The following PTPRT variants were observed in gnomAD, a reference collection of about 807,000 sequenced individuals.
PTPRT encodes the protein protein tyrosine phosphatase receptor type T.
In PTPRT, 56 loss-of-function variants were observed where a neutral mutation model predicts 176.8. The observed-to-expected ratio is 0.32, with a 90% CI of 0.26 to 0.40. PTPRT has a LOEUF of 0.40. Among genes scored for constraint, PTPRT ranks in the 10% least tolerant of loss-of-function variants. PTPRT has a pLI of 1.00. For missense variants in PTPRT, 1,540 were observed against 1,908.2 expected (o/e 0.81, Z 3.60); for synonymous variants, 783 against 739.0 (o/e 1.06, Z -0.96).
chr20:43,097,467 G>T (rs2012217662), intron 1 of PTPRT, among the ~76,000 whole-genome samples: 1 of 152,180 alleles, frequency 6.6e-6, no homozygotes, highest in Non-Finnish European at 1.5e-5. Context: ...CTAACACAAG[G>T]CACTCATTCT....
At chr20:42,350,370 A>C (rs1270183912) in intron 11 of PTPRT, among the ~76,000 whole-genome samples, 1 of 151,808 alleles carries the variant, frequency 6.6e-6, no homozygotes, top group Non-Finnish European at 1.5e-5. Context: ...CCGGTACTAC[A>C]GGCGTGTGCT....
At chr20:42,147,715 G>A (rs562643170) in intron 17 of PTPRT, among the ~76,000 whole-genome samples, 1 of 152,280 alleles carries the variant, frequency 6.6e-6, no homozygotes, top group Non-Finnish European at 1.5e-5. Context: ...GTGGCAGTTC[G>A]TGGGAAACCA....
At chr20:42,840,365 T>C (rs1384246990) in intron 2 of PTPRT, among the ~76,000 whole-genome samples, 4 of 152,276 alleles carry the variant, frequency 2.6e-5, no homozygotes, top group East Asian at 1.9e-4. Context: ...ATCTGAGGTA[T>C]TGGTATTTAA....
chr20:42,736,300 G>A (rs1249755886), intron 6 of PTPRT, among the ~76,000 whole-genome samples: 1 of 152,166 alleles, frequency 6.6e-6, no homozygotes, highest in Non-Finnish European at 1.5e-5. Flanking sequence ...AGGCTCTGAG[G>A]CTAACTAGAA....
intron 17 of PTPRT, among the ~76,000 whole-genome samples, chr20:42,144,806 A>T (rs1200117787): frequency 1.3e-5 from 2 of 152,160 alleles, no homozygotes; most frequent in East Asian, 3.8e-4. Flanking sequence ...AGGAGAACCC[A>T]CCATTCATTT....
chr20:43,021,417 T>A (rs1457131557), intron 1 of PTPRT, among the ~76,000 whole-genome samples: 3 of 152,102 alleles, frequency 2.0e-5, no homozygotes, highest in African/African-American at 7.2e-5. Flanking sequence ...ACCTGATAAT[T>A]TTTGCCCAGA....
intron 7 of PTPRT, among the ~76,000 whole-genome samples, chr20:42,511,009 G>A (rs2071945113): frequency 6.6e-6 from 1 of 151,992 alleles, no homozygotes; most frequent in East Asian, 1.9e-4. Flanking sequence ...ATGGATTGAT[G>A]GATTAAGGGG....
intron 7 of PTPRT, among the ~76,000 whole-genome samples, chr20:42,624,359 G>A (rs909862): frequency 0.21 from 31,938 of 152,100 alleles, 4,575 homozygotes; most frequent in African/African-American, 0.41. Flanking sequence ...ACACTCAGCT[G>A]TTATTCATCC....
intron 9 of PTPRT, among the ~76,000 whole-genome samples, chr20:42,400,656 G>A (rs1337794531): frequency 6.6e-6 from 1 of 152,102 alleles, no homozygotes; most frequent in African/African-American, 2.4e-5. Flanking sequence ...GGTGAGAACT[G>A]GAAGCTCATG....
At position 42,315,896 on chromosome 20, in the gene PTPRT, A is replaced by G; in HGVS notation, c.1966T>C (p.Ser656Pro). The change falls in exon 12 of 31, where the codon TCC (serine) becomes CCC (proline). Residue 656 changes from serine (S) to proline (P), a missense_variant. Transcript: ENST00000373187. ...AAGTAGTGTAGAGAATCGAGGCTGG[A>G]GGCATTCCGATAGCTCACGGGCACC... The part of the protein sequence containing the change: ...FSVPVSYRNA[S>P]SLDSLHYFAA... The G allele has an allele frequency of 6.2e-7, 1 of 1,614,048 alleles. No individual in the cohort carries two copies. The highest frequency in any genetic ancestry group is 8.5e-7 in the Non-Finnish European group (1 of 1,180,020).
At chr20:42,524,374 A>G (rs908091717) in intron 7 of PTPRT, among the ~76,000 whole-genome samples, 1 of 152,132 alleles carries the variant, frequency 6.6e-6, no homozygotes, top group Non-Finnish European at 1.5e-5. Flanking sequence ...TGTTTATTAC[A>G]ATACCTTTCT....
intron 15 of PTPRT, among the ~76,000 whole-genome samples, chr20:42,228,244 T>G (rs1476453566): frequency 6.6e-6 from 1 of 152,248 alleles, no homozygotes; most frequent in Admixed American, 6.5e-5. Flanking sequence ...AACTTAAACT[T>G]AGGTATAAAT....
chr20:42,696,864 C>G (rs3092088), intron 6 of PTPRT, among the ~76,000 whole-genome samples: 3,682 of 152,174 alleles, frequency 0.024, 176 homozygotes, highest in African/African-American at 0.085. Context: ...CAGTAGACAC[C>G]CTGCTTGCAG....
At chr20:42,526,760 G>A (rs989117721) in intron 7 of PTPRT, among the ~76,000 whole-genome samples, 5 of 151,898 alleles carry the variant, frequency 3.3e-5, no homozygotes, top group African/African-American at 1.2e-4. Context: ...TCAGCTATTT[G>A]TAGAAGGTTT....
chr20:42,291,704 G>C (rs765368785), intron 12 of PTPRT, among the ~76,000 whole-genome samples: 1 of 152,074 alleles, frequency 6.6e-6, no homozygotes, highest in Non-Finnish European at 1.5e-5. Context: ...CTGAAAGTGG[G>C]AAAATGCATG....
chr20:42,922,318 T>C (rs1170508134), intron 1 of PTPRT, among the ~76,000 whole-genome samples: 4 of 152,158 alleles, frequency 2.6e-5, no homozygotes, highest in African/African-American at 7.2e-5. Context: ...GCTCAGTCCT[T>C]GAATTTCTTC....
rs1304571028 is a variant in PTPRT at position 42,110,497 on chromosome 20, G to A, written c.3100-10C>T. On this transcript the variant is annotated splice_polypyrimidine_tract_variant and intron_variant, in intron 22 of 30. Transcript: ENST00000373187. ...TCTCATGGTAGCCTTTCTGAGGAAA[G>A]AACGGGCCTCTGTTCTTCCAGCTGC... 1.9e-6 allele frequency: 3 copies of A among 1,591,124 alleles called. No individual in the cohort carries two copies. The highest frequency in any genetic ancestry group is 1.7e-6 in the Non-Finnish European group (2 of 1,165,780).
At chr20:43,053,229 A>T (rs541000689) in intron 1 of PTPRT, among the ~76,000 whole-genome samples, 2 of 151,892 alleles carry the variant, frequency 1.3e-5, no homozygotes, top group African/African-American at 4.8e-5. Flanking sequence ...CCCATCACTC[A>T]CCCATCCTCT....
Position 42,552,518 on chromosome 20 carries a change from C to A in PTPRT, c.1154-79956G>T, listed in dbSNP as rs538041135. On this transcript the variant is annotated intron_variant, in intron 7 of 30. Coordinates refer to ENST00000373187, the MANE Select transcript of PTPRT (RefSeq NM_007050.6). ...ACAAAAGCAAACAAAAATGACACCA[C>A]AATTTAGATGAATATAAAATTTTTT... is the stretch of plus-strand genomic sequence containing the variant. Among the ~76,000 whole-genome samples, 3 of 152,214 alleles carry A rather than the reference C, an allele frequency of 2.0e-5. No homozygotes were observed. The South Asian group carries it at 6.2e-4, about 32-fold the overall frequency.
Sources: allele counts gnomAD v4.1 joint callset (sites outside exome capture counted in the v4.1 genomes callset), GRCh38; gene constraint gnomAD v4.1.1; transcripts MANE v1.5; gene names NCBI Gene and HGNC (gene_info 2026-07-23, HGNC 2026-07-21).